DLG2: variants seen among roughly 807,000 people sequenced by gnomAD.
DLG2 encodes discs large MAGUK scaffold protein 2, also known as disks large homolog 2.
In DLG2, 45 loss-of-function variants were observed where a neutral mutation model predicts 132.5. The ratio of observed to expected loss-of-function variants is 0.34; its 90% CI spans 0.27 to 0.44. The LOEUF is 0.44. Ranked by LOEUF, DLG2 falls within the 20% of genes least tolerant of loss-of-function variation. The pLI is 1.00. For synonymous variants in DLG2, 424 were observed against 419.6 expected, an observed-to-expected ratio of 1.01 and a Z score of -0.13; for missense variants, 1,045 against 1,196.9, an observed-to-expected ratio of 0.87 and a Z score of 1.87.
At chr11:83,543,647 G>A (rs1040725791) in intron 19 of DLG2, among the ~76,000 whole-genome samples, 2 of 152,002 alleles carry the variant, frequency 1.3e-5, no homozygotes, top group Admixed American at 6.6e-5. Context: ...TTGCTGTATG[G>A]GTAAAATGTT....
At chr11:84,735,171 T>C (rs1254126347) in intron 6 of DLG2, among the ~76,000 whole-genome samples, 1 of 152,152 alleles carries the variant, frequency 6.6e-6, no homozygotes, top group Non-Finnish European at 1.5e-5. Context: ...TTAGGGAAGA[T>C]TCCTTCTTTT....
At chr11:85,116,315 T>A (rs2073567017) in intron 5 of DLG2, among the ~76,000 whole-genome samples, 1 of 151,746 alleles carries the variant, frequency 6.6e-6, no homozygotes, top group Non-Finnish European at 1.5e-5. Flanking sequence ...ACATCAAGAG[T>A]TAAAAATTTT....
chr11:84,269,439 T>C (rs1189239058), intron 7 of DLG2, among the ~76,000 whole-genome samples: 1 of 152,238 alleles, frequency 6.6e-6, no homozygotes, highest in Non-Finnish European at 1.5e-5. Context: ...CTGTTTAACC[T>C]TCAAACCTAG....
At position 84,246,790 on chromosome 11, in the gene DLG2, G is replaced by A. The variant is rs537036638; in HGVS notation, c.573+4448C>T. On this transcript the variant is annotated intron_variant, in intron 8 of 27. Coordinates refer to ENST00000376104, the MANE Select transcript of DLG2 (RefSeq NM_001142699.3). ...AGGAGATTTGGAATGTGTCATCCAT[G>A]GATAAGGTGAGACTACTGTATTCTG... Among the ~76,000 whole-genome samples the A allele has an allele frequency of 2.0e-5, 3 of 152,254 alleles. 1 individual carries two copies. Among genetic ancestry groups the A allele is most frequent in the African/African-American group, 4.8e-5 (2 of 41,548 alleles).
chr11:84,474,638 C>T (rs1467853118), intron 7 of DLG2, among the ~76,000 whole-genome samples: 1 of 152,002 alleles, frequency 6.6e-6, no homozygotes, highest in Non-Finnish European at 1.5e-5. Flanking sequence ...ATTAACACAG[C>T]CAATTGGTAG....
rs1278734356 is a variant in DLG2 at position 85,400,698 on chromosome 11, C to T, written c.41-115333G>A. On this transcript the variant is annotated intron_variant, in intron 3 of 27. Transcript: ENST00000376104. ...ATCGCAAGGACAAAAAACCAAACAC[C>T]GCATGTTCTCACTCATAGATGGGAA... is the stretch of plus-strand genomic sequence containing the variant. 8.7e-5 allele frequency among the ~76,000 whole-genome samples: 13 copies of T among 149,134 alleles called. 1 individual carries two copies. Among genetic ancestry groups the T allele is most frequent in the East Asian group, 7.9e-4 (4 of 5,074 alleles).
chr11:84,541,837 G>GGAAGTCT (rs1464245512), intron 6 of DLG2, among the ~76,000 whole-genome samples: 1 of 152,154 alleles, frequency 6.6e-6, no homozygotes, highest in Non-Finnish European at 1.5e-5. Flanking sequence ...AAAAGGCTAA[G>GGAAGTCT]GAAGTCTGAC....
chr11:84,455,762 CA>C (rs1481302891), intron 7 of DLG2, among the ~76,000 whole-genome samples: 2 of 151,318 alleles, frequency 1.3e-5, no homozygotes, highest in Non-Finnish European at 3.0e-5. Flanking sequence ...GGCTTAACAG[CA>C]AATCCAAATT....
At chr11:84,409,366 C>G (rs1360468168) in intron 7 of DLG2, among the ~76,000 whole-genome samples, 1 of 152,124 alleles carries the variant, frequency 6.6e-6, no homozygotes, top group Non-Finnish European at 1.5e-5. Flanking sequence ...GAGTGGAATC[C>G]TAAACTTTTG....
intron 7 of DLG2, among the ~76,000 whole-genome samples, chr11:84,301,357 A>G (rs915160434): frequency 6.6e-6 from 1 of 152,150 alleles, no homozygotes; most frequent in Non-Finnish European, 1.5e-5. Context: ...TAGAATGGCG[A>G]TCATTAAAGT....
At chr11:84,387,704 T>C (rs998167886) in intron 7 of DLG2, among the ~76,000 whole-genome samples, 1 of 152,240 alleles carries the variant, frequency 6.6e-6, no homozygotes, top group Non-Finnish European at 1.5e-5. Context: ...ATAATTTGTA[T>C]GTTATATTAT....
At chr11:84,568,675 T>A (rs2099467829) in intron 6 of DLG2, among the ~76,000 whole-genome samples, 1 of 152,046 alleles carries the variant, frequency 6.6e-6, no homozygotes, top group Admixed American at 6.6e-5. Flanking sequence ...GCAAAGAGAC[T>A]CCCATAGTTG....
At chr11:84,430,515 T>C (rs2098981184) in intron 7 of DLG2, among the ~76,000 whole-genome samples, 1 of 150,860 alleles carries the variant, frequency 6.6e-6, no homozygotes, top group Non-Finnish European at 1.5e-5. Flanking sequence ...GTAGTAAGAA[T>C]TAAATGAGAT....
chr11:83,946,371 C>A (rs541763643), intron 14 of DLG2, among the ~76,000 whole-genome samples: 2 of 152,292 alleles, frequency 1.3e-5, no homozygotes, highest in South Asian at 4.1e-4. Flanking sequence ...GCATCAGAAT[C>A]ACCTGTGGAT....
At chr11:84,069,082 A>G (rs998002735) in intron 10 of DLG2, among the ~76,000 whole-genome samples, 4 of 152,188 alleles carry the variant, frequency 2.6e-5, no homozygotes, top group African/African-American at 9.6e-5. Context: ...GGCTTGTTAA[A>G]CTATACATTA....
Position 84,231,333 on chromosome 11 carries a change from T to G in DLG2, c.573+19905A>C, listed in dbSNP as rs1209089669. Among the ~76,000 whole-genome samples, 3 of 152,214 alleles carry G rather than the reference T, an allele frequency of 2.0e-5. No homozygotes were observed. In the East Asian group the frequency reaches 5.8e-4, roughly 29 times the overall value. On this transcript the variant is annotated intron_variant, in intron 8 of 27. Transcript: ENST00000376104. ...GCCATGGGTTGTCTAGCTTACAACTTCATTTACATGAGGGGAAAAAAATCA... is the reference window on the plus strand; with the variant it reads ...GCCATGGGTTGTCTAGCTTACAACTGCATTTACATGAGGGGAAAAAAATCA...
chr11:84,626,289 G>C (rs1594184842), intron 6 of DLG2, among the ~76,000 whole-genome samples: 1 of 152,132 alleles, frequency 6.6e-6, no homozygotes, highest in South Asian at 2.1e-4. Flanking sequence ...GGTACCCCTG[G>C]CAACAAGGTC....
At chr11:84,130,640 G>A (rs540996369) in intron 9 of DLG2, among the ~76,000 whole-genome samples, 2 of 151,404 alleles carry the variant, frequency 1.3e-5, no homozygotes, top group African/African-American at 2.4e-5. Context: ...CAGCTACTAA[G>A]GTAAAATAAT....
chr11:84,825,279 A>G (rs568973952), intron 6 of DLG2, among the ~76,000 whole-genome samples: 11 of 151,886 alleles, frequency 7.2e-5, no homozygotes, highest in Non-Finnish European at 1.2e-4. Context: ...TTGTATTGGT[A>G]CAATGAGGAA....
Sources: allele counts gnomAD v4.1 joint callset (sites outside exome capture counted in the v4.1 genomes callset), GRCh38; gene constraint gnomAD v4.1.1; transcripts MANE v1.5; gene names NCBI Gene and HGNC (gene_info 2026-07-23, HGNC 2026-07-21).